Variants in OSBPL3 observed in about 807,000 individuals in gnomAD.
The protein encoded by OSBPL3 is oxysterol-binding protein-related protein 3.
In OSBPL3, 65 loss-of-function variants were observed where a neutral mutation model predicts 120.1. That is an observed-to-expected ratio of 0.54 (90% CI 0.44 to 0.67). The LOEUF is 0.67. Ranked by LOEUF, OSBPL3 falls within the 30% of genes least tolerant of loss-of-function variation. The probability of loss-of-function intolerance (pLI) is 0.00; values close to 1 mark genes in which losing one functional copy is unlikely to be tolerated. For missense variants in OSBPL3, 1,004 were observed against 1,082.1 expected (o/e 0.93, Z 1.01); for synonymous variants, 416 against 402.6 (o/e 1.03, Z -0.40).
intron 12 of OSBPL3, among the ~76,000 whole-genome samples, chr7:24,845,096 A>G (rs1399869231): frequency 6.6e-6 from 1 of 152,156 alleles, no homozygotes; most frequent in African/African-American, 2.4e-5. Flanking sequence ...AATTTTTCAA[A>G]GAATTATTAA....
intron 1 of OSBPL3, among the ~76,000 whole-genome samples, chr7:24,976,089 G>A (rs1817555301): frequency 6.6e-6 from 1 of 152,204 alleles, no homozygotes; most frequent in Admixed American, 6.5e-5. Context: ...TGGGGATTGA[G>A]TCTGAGATCC....
intron 16 of OSBPL3, among the ~76,000 whole-genome samples, chr7:24,829,071 A>G (rs1419888817): frequency 6.6e-6 from 1 of 152,232 alleles, no homozygotes; most frequent in Non-Finnish European, 1.5e-5. Flanking sequence ...CAGGGCTCAG[A>G]GGACTGAAGC....
intron 1 of OSBPL3, among the ~76,000 whole-genome samples, chr7:24,923,962 C>G (rs1442679394): frequency 6.6e-6 from 1 of 152,202 alleles, no homozygotes; most frequent in Non-Finnish European, 1.5e-5. Context: ...TGAGAAGCAG[C>G]ACTGGCAATT....
In OSBPL3 at chr7:24,872,448, A is replaced by AGTGTGTGTGTGT. The variant is rs371127031; in HGVS notation, c.97-391_97-380dup. On this transcript the variant is annotated intron_variant, in intron 2 of 22. Coordinates refer to ENST00000313367, the MANE Select transcript of OSBPL3 (RefSeq NM_015550.4). This position sits in a 1 kb window ranked among gnomAD's most constrained non-coding sequence, Gnocchi z 4.1. ...TCAGTCTGAATTTTAACCGAAAGAG[A>AGTGTGTGTGTGT]GTGTGTGTGTGTGTGTGTGTGTGTG... 5.3e-3 allele frequency among the ~76,000 whole-genome samples: 766 copies of AGTGTGTGTGTGT among 144,968 alleles called. 8 individuals carry two copies. Among genetic ancestry groups the AGTGTGTGTGTGT allele is most frequent in the African/African-American group, 0.016 (615 of 38,808 alleles).
In OSBPL3 at chr7:24,830,644, A is replaced by G; in HGVS notation, c.1884+124T>C. On this transcript the variant is annotated intron_variant, in intron 16 of 22. Coordinates refer to ENST00000313367, the MANE Select transcript of OSBPL3 (RefSeq NM_015550.4). The surrounding 1 kb of genome is among the most constrained non-coding windows in gnomAD (Gnocchi z 4.4). The stretch of plus-strand genomic sequence containing the variant: ...AATCGATCCCTCCCTTTATGTTGAA[A>G]AGCACTGTAATTATCTCGGCTGCTT... The G allele has an allele frequency of 1.0e-6, 1 of 966,554 alleles. No individual in the cohort carries two copies. Among genetic ancestry groups the G allele is most frequent in the Non-Finnish European group, 1.5e-6 (1 of 654,998 alleles). 59.9% of individuals were successfully genotyped at this position (966,554 alleles called of 1,614,324 possible).
At chr7:24,909,511 G>A (rs938134715) in intron 1 of OSBPL3, among the ~76,000 whole-genome samples, 1 of 152,160 alleles carries the variant, frequency 6.6e-6, no homozygotes, top group Non-Finnish European at 1.5e-5. Context: ...TATCTGAACA[G>A]TTACATGAGA....
rs367639293 is a variant in OSBPL3, at chr7:24,896,338, T to C, written c.-149-3717A>G. On this transcript the variant is annotated intron_variant, in intron 1 of 22. Coordinates refer to ENST00000313367, the MANE Select transcript of OSBPL3 (RefSeq NM_015550.4). This position sits in a 1 kb window ranked among gnomAD's most constrained non-coding sequence, Gnocchi z 4.4. ...GTTTGTGCCTCTAAGATGAGCTTCA[T>C]TGTCTCTCACCACTGCCACCCACCT... is the stretch of plus-strand genomic sequence containing the variant. 1.1e-4 allele frequency among the ~76,000 whole-genome samples: 17 copies of C among 152,354 alleles called. 1 individual carries two copies. Among genetic ancestry groups the C allele is most frequent in the Admixed American group, 4.6e-4 (7 of 15,306 alleles).
chr7:24,950,935 GA>G (rs1156580331), intron 1 of OSBPL3, among the ~76,000 whole-genome samples: 2 of 149,254 alleles, frequency 1.3e-5, no homozygotes, highest in Non-Finnish European at 3.0e-5. Flanking sequence ...AACTTGAGTT[GA>G]AAAAAAAAAT....
At chr7:24,942,782 T>C (rs1813253199) in intron 1 of OSBPL3, among the ~76,000 whole-genome samples, 2 of 152,248 alleles carry the variant, frequency 1.3e-5, no homozygotes, top group African/African-American at 4.8e-5. Flanking sequence ...CTGATATTTT[T>C]GCACGTATGA....
In OSBPL3 at chr7:24,850,344, G is replaced by A. The variant is rs538349299; in HGVS notation, c.1159-1168C>T. Among the ~76,000 whole-genome samples, 3 of 152,320 alleles carry A rather than the reference G, an allele frequency of 2.0e-5. No homozygotes were observed. In the East Asian group the frequency reaches 5.8e-4, roughly 29 times the overall value. On this transcript the variant is annotated intron_variant, in intron 11 of 22. Coordinates refer to ENST00000313367, the MANE Select transcript of OSBPL3 (RefSeq NM_015550.4). ...TCCAATGGTCTGTCTGTGGAAGGGGGACAAGTTCTCCTGACTGTCTTCCCA... is the reference window on the plus strand; with the variant it reads ...TCCAATGGTCTGTCTGTGGAAGGGGAACAAGTTCTCCTGACTGTCTTCCCA...
At position 24,867,633 on chromosome 7, in the gene OSBPL3, G is replaced by A. The variant is rs964618283; in HGVS notation, c.382-1396C>T. ...CTTGCTCCTATTTGCCTTCTGCCAT[G>A]ACTGTGAGACCTCCCCAGCCATGTG... On this transcript the variant is annotated intron_variant, in intron 5 of 22. Transcript: ENST00000313367. The surrounding 1 kb of genome is among the most constrained non-coding windows in gnomAD (Gnocchi z 4.5). Among the ~76,000 whole-genome samples the A allele has an allele frequency of 2.0e-5, 3 of 152,282 alleles. No individual in the cohort carries two copies. Among genetic ancestry groups the A allele is most frequent in the East Asian group, 1.9e-4 (1 of 5,180 alleles).
rs867681378 is a variant in OSBPL3, at chr7:24,855,151, A to C, written c.1028-2517T>G. 6.6e-6 allele frequency among the ~76,000 whole-genome samples: 1 copy of C among 152,204 alleles called. No individual in the cohort carries two copies. Among genetic ancestry groups the C allele is most frequent in the Admixed American group, 6.5e-5 (1 of 15,286 alleles). On this transcript the variant is annotated intron_variant, in intron 10 of 22. Transcript: ENST00000313367. This position sits in a 1 kb window ranked among gnomAD's most constrained non-coding sequence, Gnocchi z 4.3. ...AGCAAGCCACACAGTTACGGACTGC[A>C]TCCTATGTCCTATTAGATAGGCACT...
At chr7:24,853,660 T>C (rs73087738) in intron 10 of OSBPL3, among the ~76,000 whole-genome samples, 5,714 of 152,346 alleles carry the variant, frequency 0.038, 272 homozygotes, top group African/African-American at 0.11. Flanking sequence ...TGTGGTTATA[T>C]AACAGAGTAT....
intron 2 of OSBPL3, among the ~76,000 whole-genome samples, chr7:24,888,994 C>G (rs1804931138): frequency 6.6e-6 from 1 of 152,154 alleles, no homozygotes; most frequent in Non-Finnish European, 1.5e-5. Flanking sequence ...TATTGCCACT[C>G]TCACTCCAAA....
chr7:24,800,291 G>C lies in OSBPL3; in HGVS notation c.2568-12C>G. ...CATCGTCGGATTTCCTGTGAAAGAAGAAACAATTTCTTGCAGACTCTTGAA... is the reference window on the plus strand; with the variant it reads ...CATCGTCGGATTTCCTGTGAAAGAACAAACAATTTCTTGCAGACTCTTGAA... On this transcript the variant is annotated splice_polypyrimidine_tract_variant and intron_variant, in intron 22 of 22. Coordinates refer to ENST00000313367, the MANE Select transcript of OSBPL3 (RefSeq NM_015550.4). 1.9e-6 allele frequency: 3 copies of C among 1,542,828 alleles called. No individual in the cohort carries two copies. The highest frequency in any genetic ancestry group is 2.7e-6 in the Non-Finnish European group (3 of 1,115,856).
chr7:24,807,727 A>G (rs542547579), intron 20 of OSBPL3, among the ~76,000 whole-genome samples: 21 of 152,036 alleles, frequency 1.4e-4, no homozygotes, highest in Non-Finnish European at 2.9e-4. Flanking sequence ...CCTCTCCTCA[A>G]TCTTACATCT....
At position 24,959,822 on chromosome 7, in the gene OSBPL3, T is replaced by C. The variant is rs1563012596; in HGVS notation, c.-150+20064A>G. 6.6e-6 allele frequency among the ~76,000 whole-genome samples: 1 copy of C among 152,190 alleles called. No homozygotes were observed. The highest frequency in any genetic ancestry group is 1.5e-5 in the Non-Finnish European group (1 of 68,012). ...GGCCACTTGTAAAACCCAGCTGACC[T>C]GGACTGGTTTGACCAAAGAGCCTAC... On this transcript the variant is annotated intron_variant, in intron 1 of 22. Transcript: ENST00000313367. This position sits in a 1 kb window ranked among gnomAD's most constrained non-coding sequence, Gnocchi z 4.3.
intron 1 of OSBPL3, among the ~76,000 whole-genome samples, chr7:24,931,192 T>G (rs192687110): frequency 1.0e-3 from 159 of 152,284 alleles, no homozygotes; most frequent in Admixed American, 2.0e-3. Context: ...AAAATGTTTG[T>G]GAGCAGACTG....
In OSBPL3 at chr7:24,849,818, G is replaced by C. The variant is rs1442859521; in HGVS notation, c.1159-642C>G. Among the ~76,000 whole-genome samples, 2 of 152,054 alleles carry C rather than the reference G, an allele frequency of 1.3e-5. No homozygotes were observed. Among genetic ancestry groups the C allele is most frequent in the Non-Finnish European group, 2.9e-5 (2 of 68,008 alleles). Reference sequence around the variant, plus strand: ...AAAAATGCAAAAATTAGTTGGGCATGGTGGCACACACCTGTAGTCCCAGCT... The same window carrying C: ...AAAAATGCAAAAATTAGTTGGGCATCGTGGCACACACCTGTAGTCCCAGCT... On this transcript the variant is annotated intron_variant, in intron 11 of 22. Coordinates refer to ENST00000313367, the MANE Select transcript of OSBPL3 (RefSeq NM_015550.4). The surrounding 1 kb of genome is among the most constrained non-coding windows in gnomAD (Gnocchi z 5.4).
Sources: gnomAD v4.1 joint callset for allele counts (sites outside exome capture counted in the v4.1 genomes callset) on GRCh38, gnomAD v4.1.1 for gene constraint, Gnocchi (gnomAD v3.1) non-coding constraint, MANE v1.5 for transcripts, NCBI Gene and HGNC (gene_info 2026-07-23, HGNC 2026-07-21) for gene names.